Variants in MAN2B2 observed in about 807,000 individuals in gnomAD.
MAN2B2 encodes mannosidase alpha class 2B member 2.
Under a neutral mutation model 117.1 loss-of-function variants are expected in MAN2B2, and 106 were observed. The ratio of observed to expected loss-of-function variants is 0.90; its 90% CI spans 0.77 to 1.06. The LOEUF (loss-of-function observed/expected upper bound fraction) is 1.06, where lower values mean the gene tolerates loss of function less well. MAN2B2 is among the 50% of genes least tolerant of loss of function. MAN2B2 has a pLI of 0.00. For missense variants in MAN2B2, 1,326 were observed against 1,381.4 expected (o/e 0.96, Z 0.64); for synonymous variants, 544 against 595.1 (o/e 0.91, Z 1.25).
intron 3 of MAN2B2, among the ~76,000 whole-genome samples, chr4:6,579,198 CCACCAT>C (rs1726266228): frequency 2.3e-4 from 13 of 56,636 alleles, no homozygotes; most frequent in African/African-American, 4.3e-4. Context: ...ACCAGCACCA[CCACCAT>C]CACCATCACC....
chr4:6,599,570 G>A (rs1727243484), intron 9 of MAN2B2, among the ~76,000 whole-genome samples: 1 of 151,768 alleles, frequency 6.6e-6, no homozygotes, highest in East Asian at 2.0e-4. Context: ...GGCTGAGGCA[G>A]GAGAATGGCG....
chr4:6,584,964 C>T (rs1016946978), intron 3 of MAN2B2, among the ~76,000 whole-genome samples: 3 of 152,142 alleles, frequency 2.0e-5, no homozygotes, highest in Non-Finnish European at 4.4e-5. Flanking sequence ...GAGGCCGTAC[C>T]CTCCAGAGCT....
chr4:6,585,818 C>G (rs1252851524), intron 3 of MAN2B2, among the ~76,000 whole-genome samples: 1 of 152,152 alleles, frequency 6.6e-6, no homozygotes, highest in African/African-American at 2.4e-5. Context: ...CTCAGTTCCT[C>G]GCCATGTGAC....
chr4:6,619,685 C>T (rs1055060380), intron 17 of MAN2B2: 4 of 432,262 alleles, frequency 9.3e-6, no homozygotes, highest in East Asian at 4.6e-5. Context: ...TCCTCCAGCT[C>T]GGCCACCTGG....
At chr4:6,600,863 G>C (rs1270073801) in intron 10 of MAN2B2, 107 bp downstream of exon 10, 6 of 1,363,874 alleles carry the variant, frequency 4.4e-6, no homozygotes, top group Non-Finnish European at 5.9e-6. Context: ...TATCACCTTT[G>C]TTTTACAGAA....
At chr4:6,616,151 T>C (rs1452569367) in intron 16 of MAN2B2, among the ~76,000 whole-genome samples, 2 of 152,026 alleles carry the variant, frequency 1.3e-5, no homozygotes, top group African/African-American at 2.4e-5. Flanking sequence ...CCCAGACAGA[T>C]TGATTTAGTC....
rs775915184 is a variant in MAN2B2, at chr4:6,594,582, G to T, written c.907G>T (p.Asp303Tyr). The T allele has an allele frequency of 3.1e-6, 5 of 1,613,766 alleles. No individual in the cohort carries two copies. The highest frequency in any genetic ancestry group is 3.4e-6 in the Non-Finnish European group (4 of 1,180,042). Residue 303 changes from aspartate to tyrosine, a missense_variant, in exon 7 of 19, where the codon GAC becomes TAC. Coordinates refer to ENST00000285599, the MANE Select transcript of MAN2B2 (RefSeq NM_015274.3). The part of the protein sequence containing the change: ...FNASVQFANM[D>Y]PLLDHINSHA... ...TGCCTCGGTGCAGTTTGCCAACATGGACCCGCTGCTGGACCACATCAACAG... is the reference window on the plus strand; with the variant it reads ...TGCCTCGGTGCAGTTTGCCAACATGTACCCGCTGCTGGACCACATCAACAG...
In MAN2B2 at chr4:6,616,951, G is replaced by A. The variant is rs146130338; in HGVS notation, c.2702-429G>A. 4.5e-3 allele frequency among the ~76,000 whole-genome samples: 689 copies of A among 152,288 alleles called. 3 individuals are homozygous for A. Among genetic ancestry groups the A allele is most frequent in the African/African-American group, 0.015 (637 of 41,550 alleles). ...CTCATAAAGACATACCCGAGACTGG[G>A]TAGTTTATGAAGAAAAAAGGTTTAA... is the stretch of plus-strand genomic sequence containing the variant. On this transcript the variant is annotated intron_variant, in intron 16 of 18. Transcript: ENST00000285599.
In MAN2B2 at chr4:6,587,101, C is replaced by G; in HGVS notation, c.497C>G (p.Ala166Gly). 6.2e-7 allele frequency: 1 copy of G among 1,613,978 alleles called. No individual in the cohort carries two copies. ...ACGACGCCCACCCTATTTGCGCTGG[C>G]GGGCTTCAATGCCCACCTCGGCTCC... ...SATTPTLFAL[A>G]GFNAHLGSRI... Residue 166 changes from alanine (A) to glycine (G), a missense_variant, in exon 4 of 19, where the codon GCG (alanine) becomes GGG (glycine). Physicochemically the swap from Ala to Gly is moderately conservative, Grantham distance 60. Transcript: ENST00000285599.
At chr4:6,614,911 T>C (rs1026566342) in intron 16 of MAN2B2, among the ~76,000 whole-genome samples, 1 of 152,168 alleles carries the variant, frequency 6.6e-6, no homozygotes, top group African/African-American at 2.4e-5. Context: ...ACAAGAGGAA[T>C]CCCCCTGCAC....
chr4:6,593,310 GGGCCGCCTGGTTCC>G lies in MAN2B2; in HGVS notation c.821_834del (p.Ala274AspfsTer11), dbSNP rs747676074. On this transcript the variant is annotated frameshift_variant, in exon 6 of 19. Coordinates refer to ENST00000285599, the MANE Select transcript of MAN2B2 (RefSeq NM_015274.3). LOFTEE classifies it high-confidence loss of function. The stretch of plus-strand genomic sequence containing the variant: ...GCCCTGGTGGCCAACGTGAAGCAGA[GGGCCGCCTGGTTCC>G]GGACACCGCACGTCCTCTGGCCCTG... 2.0e-5 allele frequency: 32 copies of G among 1,613,690 alleles called. No individual in the cohort carries two copies. In the Admixed American group the frequency reaches 3.7e-4, roughly 19 times the overall value.
chr4:6,620,657 G>T (rs377475969), intron 18 of MAN2B2: 1 of 161,724 alleles, frequency 6.2e-6, no homozygotes, highest in East Asian at 1.8e-4. Flanking sequence ...CGCTCAGTTG[G>T]TGGTGGGAGG....
chr4:6,621,513 C>G lies in MAN2B2; in HGVS notation c.*228C>G. 1 of 509,424 alleles carries G rather than the reference C, an allele frequency of 2.0e-6. No homozygotes were observed. The highest frequency in any genetic ancestry group is 2.6e-5 in the South Asian group (1 of 37,998). The allele number at this position is 509,424 out of a possible 1,614,324, so 31.6% of individuals were successfully genotyped here. ...CCCCCCCACACTCAATCAAGCCAGC[C>G]CTCTCCTCTTCTGTCACGTAAAGGA... On this transcript the variant is annotated 3_prime_UTR_variant, in exon 19 of 19. Transcript: ENST00000285599.
Position 6,576,638 on chromosome 4 carries a change from G to C in MAN2B2, c.199G>C (p.Gly67Arg). 6.2e-7 allele frequency: 1 copy of C among 1,613,892 alleles called. No individual in the cohort carries two copies. Among genetic ancestry groups the C allele is most frequent in the Non-Finnish European group, 8.5e-7 (1 of 1,179,984 alleles). Residue 67 changes from glycine (G) to arginine (R), a missense_variant, in exon 2 of 19, where the codon GGC becomes CGC. Transcript: ENST00000285599. ...YTSVVEELAR[G>R]QQRRFIAVEQ... is the part of the protein sequence containing the mutation. ...CTCAGTGGTGGAAGAGCTGGCCCGC[G>C]GCCAGCAGCGCCGGTTCATCGCTGT...
intron 10 of MAN2B2, among the ~76,000 whole-genome samples, chr4:6,601,967 C>T (rs939637753): frequency 6.6e-6 from 1 of 152,206 alleles, no homozygotes; most frequent in African/African-American, 2.4e-5. Context: ...GGAGTTGGAT[C>T]TACCCAGCGG....
intron 13 of MAN2B2, among the ~76,000 whole-genome samples, chr4:6,610,504 T>C (rs1727729178): frequency 6.6e-6 from 1 of 152,244 alleles, no homozygotes; most frequent in African/African-American, 2.4e-5. Context: ...GTTCAGGGCT[T>C]GAGCGTGCAG....
intron 4 of MAN2B2, among the ~76,000 whole-genome samples, chr4:6,588,226 C>T (rs534008692): frequency 1.3e-5 from 2 of 152,320 alleles, no homozygotes; most frequent in African/African-American, 4.8e-5. Context: ...AGCAGGGCCA[C>T]GCTCCCTCTG....
chr4:6,596,540 C>T (rs1457383973), intron 7 of MAN2B2, among the ~76,000 whole-genome samples: 1 of 152,102 alleles, frequency 6.6e-6, no homozygotes, highest in East Asian at 1.9e-4. Context: ...GGGCCCTGGG[C>T]ATCCTCATCC....
Position 6,614,273 on chromosome 4 carries a change from G to A in MAN2B2, c.2619G>A (p.Pro873=), listed in dbSNP as rs376094768. 282 of 1,613,888 alleles carry A rather than the reference G, an allele frequency of 1.7e-4. 1 individual carries two copies. The highest frequency in any genetic ancestry group is 2.3e-4 in the Non-Finnish European group (268 of 1,179,998). ...AGCAAGAGGCCGTGACGCTGCCCCC[G>A]AATCTTCACCTGCAGATCCTGAGCA... ...PQQQEAVTLP[P]NLHLQILSIP... The change falls in exon 16 of 19, where the codon CCG becomes CCA. Residue 873 remains proline, a synonymous_variant. Coordinates refer to ENST00000285599, the MANE Select transcript of MAN2B2 (RefSeq NM_015274.3).
Sources: gnomAD v4.1 joint callset for allele counts (sites outside exome capture counted in the v4.1 genomes callset) on GRCh38, gnomAD v4.1.1 for gene constraint, MANE v1.5 for transcripts, NCBI Gene and HGNC (gene_info 2026-07-23, HGNC 2026-07-21) for gene names.